Variants in SMARCA2 observed in about 807,000 individuals in gnomAD.
SMARCA2 encodes the protein SWI/SNF-related matrix-associated actin-dependent regulator of chromatin subfamily A member 2.
SMARCA2 carries 61 observed loss-of-function variants against 199.8 expected under a neutral mutation model. The observed-to-expected ratio is 0.31, with a 90% CI of 0.25 to 0.38. The LOEUF (loss-of-function observed/expected upper bound fraction) is 0.38, where lower values mean the gene tolerates loss of function less well. Ranked by LOEUF, SMARCA2 falls within the 10% of genes least tolerant of loss-of-function variation. The probability of loss-of-function intolerance (pLI) is 1.00; values close to 1 mark genes in which losing one functional copy is unlikely to be tolerated. For synonymous variants in SMARCA2, 935 were observed against 732.0 expected (o/e 1.28, Z -4.48); for missense variants, 1,344 against 2,012.2 (o/e 0.67, Z 6.35).
At chr9:2,153,971 A>G (rs1252738945) in intron 27 of SMARCA2, among the ~76,000 whole-genome samples, 2 of 152,206 alleles carry the variant, frequency 1.3e-5, no homozygotes, top group African/African-American at 2.4e-5. Flanking sequence ...CTGATGGTGC[A>G]GTCATCATTA....
chr9:2,121,066 A>G (rs182092257), intron 26 of SMARCA2, among the ~76,000 whole-genome samples: 148 of 152,342 alleles, frequency 9.7e-4, no homozygotes, highest in African/African-American at 3.5e-3. Flanking sequence ...CAGCACTGCT[A>G]AAGCCGCAGA....
At chr9:2,191,489 G>C (rs1827881506) in intron 33 of SMARCA2, 81 bp downstream of exon 33, 3 of 1,484,522 alleles carry the variant, frequency 2.0e-6, no homozygotes, top group Non-Finnish European at 2.8e-6. Context: ...TGCCCCTTCA[G>C]CCTTTTCGCT....
chr9:2,097,002 T>C, intron 20 of SMARCA2: 1 of 532,740 alleles, frequency 1.9e-6, no homozygotes, highest in Non-Finnish European at 3.4e-6. Flanking sequence ...CTTATGTCAA[T>C]TTTGCAGCAA....
chr9:2,162,169 A>C (rs1825715052), intron 28 of SMARCA2, among the ~76,000 whole-genome samples: 1 of 152,242 alleles, frequency 6.6e-6, no homozygotes, highest in Admixed American at 6.5e-5. Flanking sequence ...AAGGATTCTT[A>C]AGGACCTCTG....
chr9:2,190,789 A>G (rs540562985), intron 32 of SMARCA2, among the ~76,000 whole-genome samples: 49 of 152,214 alleles, frequency 3.2e-4, no homozygotes, highest in African/African-American at 1.2e-3. Context: ...TCCATTTTGT[A>G]CCTTTATGTT....
At chr9:2,152,698 A>C (rs796235204) in intron 27 of SMARCA2, among the ~76,000 whole-genome samples, 21 of 151,324 alleles carry the variant, frequency 1.4e-4, no homozygotes, top group African/African-American at 4.9e-4. Context: ...CTAAAAATAT[A>C]AAAATTAGCC....
intron 32 of SMARCA2, among the ~76,000 whole-genome samples, chr9:2,190,015 A>G (rs1382831289): frequency 6.7e-6 from 1 of 149,650 alleles, no homozygotes; most frequent in Admixed American, 6.6e-5. Context: ...AGCTTGAATG[A>G]GAGACCCACA....
intron 9 of SMARCA2, among the ~76,000 whole-genome samples, chr9:2,065,302 ATTC>A (rs1820788613): frequency 6.6e-6 from 1 of 152,184 alleles, no homozygotes; most frequent in Admixed American, 6.5e-5. Flanking sequence ...CAGCAGAACT[ATTC>A]TTGTGTTATT....
At chr9:2,103,395 G>A (rs899982915) in intron 22 of SMARCA2, among the ~76,000 whole-genome samples, 7 of 152,156 alleles carry the variant, frequency 4.6e-5, no homozygotes, top group African/African-American at 1.7e-4. Context: ...GGCATCACAT[G>A]TTGCTGTGAG....
intron 16 of SMARCA2, 130 bp downstream of exon 16, chr9:2,083,543 G>C: frequency 1.8e-6 from 1 of 551,666 alleles, no homozygotes; most frequent in East Asian, 3.0e-5. Context: ...GTACTAAACC[G>C]TGAGAGTTAA....
intron 27 of SMARCA2, among the ~76,000 whole-genome samples, chr9:2,128,289 G>T (rs1823786239): frequency 6.6e-6 from 1 of 152,192 alleles, no homozygotes; most frequent in African/African-American, 2.4e-5. Flanking sequence ...CATGCAGCTG[G>T]TTTCATCTCA....
At chr9:2,080,410 C>A (rs145985380) in intron 14 of SMARCA2, among the ~76,000 whole-genome samples, 1 of 152,172 alleles carries the variant, frequency 6.6e-6, no homozygotes, top group African/African-American at 2.4e-5. Flanking sequence ...TTAGCACAAA[C>A]GCAAAATTCA....
At chr9:2,029,335 T>C in intron 2 of SMARCA2, 88 bp downstream of exon 2, 1 of 1,515,694 alleles carries the variant, frequency 6.6e-7, no homozygotes, top group Non-Finnish European at 8.9e-7. Context: ...TCTACTGTTG[T>C]TAACAAGAAA....
chr9:2,111,102 C>G (rs1346923199), intron 24 of SMARCA2, among the ~76,000 whole-genome samples: 3 of 148,436 alleles, frequency 2.0e-5, no homozygotes, highest in Non-Finnish European at 3.0e-5. Flanking sequence ...CTAAGTTACT[C>G]TGGGAGGTGA....
intron 4 of SMARCA2, chr9:2,041,206 C>T (rs1385503164): frequency 2.5e-6 from 1 of 396,752 alleles, no homozygotes; most frequent in Admixed American, 4.4e-5. Flanking sequence ...GTAGGCCTAC[C>T]TAAGAGATAT....
Position 2,115,848 on chromosome 9 carries a change from C to T in SMARCA2, c.3483C>T (p.His1161=). Residue 1161 remains histidine (H), a synonymous_variant, in exon 25 of 34, where the codon CAC becomes CAT. Transcript: ENST00000349721. The surrounding 1 kb of genome is among the most constrained non-coding windows in gnomAD (Gnocchi z 6.0). ...HQDLQAQDRA[H]RIGQQNEVRV... The stretch of plus-strand genomic sequence containing the variant: ...ATCTGCAGGCCCAAGACCGAGCTCA[C>T]CGCATCGGGCAGCAGAACGAGGTCC... 1 of 1,613,972 alleles carries T rather than the reference C, an allele frequency of 6.2e-7. No individual in the cohort carries two copies. Among genetic ancestry groups the T allele is most frequent in the South Asian group, 1.1e-5 (1 of 91,062 alleles).
chr9:2,139,914 A>G (rs1015163701), intron 27 of SMARCA2, among the ~76,000 whole-genome samples: 1 of 152,192 alleles, frequency 6.6e-6, no homozygotes, highest in Non-Finnish European at 1.5e-5. Flanking sequence ...GGGAAGGGCT[A>G]TTATCATCCT....
At chr9:2,105,913 ATCTCTCAAACTGGTAAGAAG>A (rs1312998524) in intron 23 of SMARCA2, among the ~76,000 whole-genome samples, 1 of 152,194 alleles carries the variant, frequency 6.6e-6, no homozygotes, top group Non-Finnish European at 1.5e-5. Context: ...GAATATTTGC[ATCTCTCAAACTGGTAAGAAG>A]TGACTTCCTG....
At chr9:2,097,235 T>C in intron 20 of SMARCA2, 150 bp from the exon 21 acceptor site, 1 of 561,458 alleles carries the variant, frequency 1.8e-6, no homozygotes, top group Non-Finnish European at 3.2e-6. Context: ...AACTGCTATA[T>C]AATTAAAGAA....
Sources: gnomAD v4.1 joint callset for allele counts (sites outside exome capture counted in the v4.1 genomes callset) on GRCh38, gnomAD v4.1.1 for gene constraint, Gnocchi (gnomAD v3.1) non-coding constraint, MANE v1.5 for transcripts, NCBI Gene and HGNC (gene_info 2026-07-23, HGNC 2026-07-21) for gene names.